The following HACD2 variants were observed in gnomAD, a reference collection of about 807,000 sequenced individuals.
The protein encoded by HACD2 is 3-hydroxyacyl-CoA dehydratase 2.
Under a neutral mutation model 31.0 loss-of-function variants are expected in HACD2, and 15 were observed. The observed-to-expected ratio is 0.48, with a 90% CI of 0.32 to 0.75. HACD2 has a LOEUF of 0.75. Among genes scored for constraint, HACD2 ranks in the 30% least tolerant of loss-of-function variants. The probability of loss-of-function intolerance (pLI) is 0.03; values close to 1 mark genes in which losing one functional copy is unlikely to be tolerated. For synonymous variants in HACD2, 115 were observed against 122.2 expected (o/e 0.94, Z 0.39); for missense variants, 283 against 313.0 (o/e 0.90, Z 0.72).
chr3:123,521,980 C>T (rs2056220459), intron 4 of HACD2, among the ~76,000 whole-genome samples: 1 of 152,026 alleles, frequency 6.6e-6, no homozygotes, highest in African/African-American at 2.4e-5. Flanking sequence ...ACTAAGACAA[C>T]AGGAGAAAGA....
At chr3:123,516,233 ATTTTTTT>A (rs138783399) in intron 4 of HACD2, among the ~76,000 whole-genome samples, 2 of 125,810 alleles carry the variant, frequency 1.6e-5, no homozygotes, top group Non-Finnish European at 3.5e-5. Flanking sequence ...TGTGCAACAT[ATTTTTTT>A]TTTTTTTTTT....
intron 3 of HACD2, among the ~76,000 whole-genome samples, chr3:123,555,350 AAC>A (rs370102601): frequency 6.6e-6 from 1 of 151,866 alleles, no homozygotes. Context: ...AGAATCTACA[AAC>A]ACACACACAC....
At chr3:123,521,375 G>A (rs2056212391) in intron 4 of HACD2, among the ~76,000 whole-genome samples, 1 of 152,140 alleles carries the variant, frequency 6.6e-6, no homozygotes, top group South Asian at 2.1e-4. Flanking sequence ...AGTCTGGAAT[G>A]GGGTAGGCTA....
intron 3 of HACD2, among the ~76,000 whole-genome samples, chr3:123,551,210 C>T (rs976973952): frequency 1.3e-5 from 2 of 152,154 alleles, no homozygotes; most frequent in Admixed American, 1.3e-4. Context: ...GTCACACTGT[C>T]CCTCTGTGCT....
chr3:123,526,724 T>C (rs2107705013), intron 4 of HACD2, among the ~76,000 whole-genome samples: 1 of 152,334 alleles, frequency 6.6e-6, no homozygotes, highest in South Asian at 2.1e-4. Flanking sequence ...GCAGGCAGCA[T>C]GGTTATGGAG....
intron 1 of HACD2, chr3:123,584,476 T>C (rs6801013): frequency 0.11 from 19,463 of 173,950 alleles, 1,228 homozygotes; most frequent in African/African-American, 0.14. Context: ...CCACAGCTCC[T>C]CCACTCCCCA....
intron 3 of HACD2, among the ~76,000 whole-genome samples, chr3:123,537,053 G>T (rs969053026): frequency 1.3e-5 from 2 of 152,018 alleles, no homozygotes; most frequent in African/African-American, 2.4e-5. Flanking sequence ...ATAATATTAA[G>T]ACTAAACAAT....
Position 123,493,759 on chromosome 3 carries a change from G to A in HACD2, c.*1129C>T, listed in dbSNP as rs1576720595. ...CTATTTCTTGGCTGCTCCAACATGC[G>A]GAGATGACACTGCTTTTAGCTCATG... is the stretch of plus-strand genomic sequence containing the variant. On this transcript the variant is annotated 3_prime_UTR_variant, in exon 7 of 7. Coordinates refer to ENST00000383657, the MANE Select transcript of HACD2 (RefSeq NM_198402.5). 6.6e-6 allele frequency: 1 copy of A among 152,172 alleles called. No homozygotes were observed. Among genetic ancestry groups the A allele is most frequent in the African/African-American group, 2.4e-5 (1 of 41,430 alleles). 9.4% of individuals were successfully genotyped at this position (152,172 alleles called of 1,614,324 possible).
At chr3:123,573,186 G>A (rs2056873405) in intron 2 of HACD2, among the ~76,000 whole-genome samples, 2 of 152,138 alleles carry the variant, frequency 1.3e-5, no homozygotes, top group African/African-American at 4.8e-5. Context: ...TTTCATTCTT[G>A]CTTAAAACTT....
chr3:123,516,894 T>C (rs1445341305), intron 4 of HACD2, among the ~76,000 whole-genome samples: 1 of 152,190 alleles, frequency 6.6e-6, no homozygotes, highest in Non-Finnish European at 1.5e-5. Flanking sequence ...TCACCACCAC[T>C]GGCCTCTACT....
At chr3:123,538,538 C>T (rs2056452616) in intron 3 of HACD2, among the ~76,000 whole-genome samples, 1 of 152,120 alleles carries the variant, frequency 6.6e-6, no homozygotes, top group Non-Finnish European at 1.5e-5. Flanking sequence ...GAAATCTTTT[C>T]CATTTAAGTG....
At chr3:123,551,517 C>T (rs1214352965) in intron 3 of HACD2, among the ~76,000 whole-genome samples, 4 of 151,600 alleles carry the variant, frequency 2.6e-5, no homozygotes, top group Non-Finnish European at 4.4e-5. Context: ...CCCAGCTACT[C>T]GGGAGGCTGA....
In HACD2 at chr3:123,576,266, T is replaced by C. The variant is rs540896695; in HGVS notation, c.273+5946A>G. Among the ~76,000 whole-genome samples, 248 of 151,802 alleles carry C rather than the reference T, an allele frequency of 1.6e-3. 4 individuals carry two copies. The highest frequency in any genetic ancestry group is 5.8e-3 in the African/African-American group (240 of 41,264). ...TTTTAGTTCTTTTTTTTTTTTAATT[T>C]CAGTACATTCCCTTCTACAGATGTT... On this transcript the variant is annotated intron_variant, in intron 2 of 6. Transcript: ENST00000383657.
intron 3 of HACD2, among the ~76,000 whole-genome samples, chr3:123,566,631 G>T (rs778667175): frequency 0.14 from 2 of 14 alleles, no homozygotes; most frequent in Non-Finnish European, 0.33. Context: ...CGTGGTGACT[G>T]CATGCCTGTA....
chr3:123,518,867 G>A (rs965981116), intron 4 of HACD2, among the ~76,000 whole-genome samples: 6 of 151,800 alleles, frequency 4.0e-5, no homozygotes, highest in Non-Finnish European at 5.9e-5. Flanking sequence ...GTTGTGGTGC[G>A]TGCCTGTAAG....
At chr3:123,542,146 C>CAAAAAAAAAAAAAAAAAAAAAAAAAAAA (rs11391480) in intron 3 of HACD2, among the ~76,000 whole-genome samples, 1 of 41,104 alleles carries the variant, frequency 2.4e-5, no homozygotes, top group Non-Finnish European at 3.4e-5. Context: ...GACTCCGTCT[C>CAAAAAAAAAAAAAAAAAAAAAAAAAAAA]AAAAAAAAAA....
At chr3:123,584,778 C>A in intron 1 of HACD2, 95 bp downstream of exon 1, 1 of 1,023,510 alleles carries the variant, frequency 9.8e-7, no homozygotes, top group Admixed American at 4.2e-5. Context: ...GCACTGCCTG[C>A]GGCGGGCCGC....
intron 2 of HACD2, among the ~76,000 whole-genome samples, chr3:123,574,888 T>G (rs759096081): frequency 6.6e-6 from 1 of 152,176 alleles, no homozygotes; most frequent in Admixed American, 6.5e-5. Flanking sequence ...CATATAACTA[T>G]TCTATTATCA....
intron 4 of HACD2, among the ~76,000 whole-genome samples, chr3:123,521,191 C>G (rs745661872): frequency 2.0e-5 from 3 of 151,956 alleles, no homozygotes; most frequent in Non-Finnish European, 4.4e-5. Context: ...TGTAGGAGAC[C>G]CCATGGATAC....
Sources: gnomAD v4.1 joint callset for allele counts (sites outside exome capture counted in the v4.1 genomes callset) on GRCh38, gnomAD v4.1.1 for gene constraint, MANE v1.5 for transcripts, NCBI Gene and HGNC (gene_info 2026-07-23, HGNC 2026-07-21) for gene names.